The following AP1B1 variants were observed in gnomAD, a reference collection of about 807,000 sequenced individuals.
The protein encoded by AP1B1 is AP-1 complex subunit beta-1.
In AP1B1, 36 loss-of-function variants were observed where a neutral mutation model predicts 104.3. The observed-to-expected ratio is 0.35, with a 90% confidence interval of 0.26 to 0.46. The LOEUF is 0.46. AP1B1 is among the 20% of genes least tolerant of loss of function. The pLI is 1.00. For synonymous variants in AP1B1, 504 were observed against 517.5 expected (o/e 0.97, Z 0.35); for missense variants, 901 against 1,247.9 (o/e 0.72, Z 4.19).
Position 29,328,675 on chromosome 22 carries a change from G to T in AP1B1, c.*146C>A. ...GGGGTGGTGCCCTACCCCAGGGATC[G>T]GGTGGGTTCTGCCATCAGGACCAGG... is the stretch of plus-strand genomic sequence containing the variant. On this transcript the variant is annotated 3_prime_UTR_variant, in exon 23 of 23. Coordinates refer to ENST00000357586, the MANE Select transcript of AP1B1 (RefSeq NM_001127.4). The surrounding 1 kb of genome is among the most constrained non-coding windows in gnomAD (Gnocchi z 4.1). 1.0e-6 allele frequency: 1 copy of T among 994,978 alleles called. No individual in the cohort carries two copies. Among genetic ancestry groups the T allele is most frequent in the Non-Finnish European group, 1.5e-6 (1 of 688,538 alleles). The allele number at this position is 994,978 out of a possible 1,614,324, so 61.6% of individuals were successfully genotyped here.
At position 29,331,897 on chromosome 22, in the gene AP1B1, C is replaced by T. The variant is rs2857465; in HGVS notation, c.2329G>A (p.Ala777Thr). 46 of 1,609,074 alleles carry T rather than the reference C, an allele frequency of 2.9e-5. No homozygotes were observed. Among genetic ancestry groups the T allele is most frequent in the South Asian group, 1.2e-4 (11 of 90,976 alleles). Residue 777 changes from alanine (A) to threonine (T), a missense_variant, in exon 18 of 23, where the codon GCC becomes ACC. Ala to Thr is a moderately conservative substitution (Grantham distance 58, BLOSUM62 0). Transcript: ENST00000357586. ...AGTGGCGCGTGGACCTGGAGGGGGG[C>T]GGCGGGGGCCAGGCCAAAGCTGGGG... Reference protein sequence around the residue: ...NRNSFGLAPAAPLQVHAPLSP... With the variant: ...NRNSFGLAPATPLQVHAPLSP...
Position 29,358,795 on chromosome 22 carries a change from G to A in AP1B1, c.456C>T (p.Asn152=), listed in dbSNP as rs775895391. The change falls in exon 5 of 23, where the codon AAC becomes AAT. Residue 152 remains asparagine (N), a synonymous_variant. Transcript: ENST00000357586. ...AGCCCTGGTCCTCCACCAGCTGGGC[G>A]TTGATGTCGTGGAGCTTGGCCACGC... The part of the protein sequence containing the change: ...AVCVAKLHDI[N]AQLVEDQGFL... 4.3e-6 allele frequency: 7 copies of A among 1,614,114 alleles called. No individual in the cohort carries two copies. The highest frequency in any genetic ancestry group is 3.3e-5 in the Admixed American group (2 of 60,000).
chr22:29,336,285 T>A (rs1281672434), intron 16 of AP1B1, among the ~76,000 whole-genome samples: 4 of 152,168 alleles, frequency 2.6e-5, no homozygotes, highest in African/African-American at 9.7e-5. Flanking sequence ...AAGATGTGGA[T>A]ACCTACTGAG....
At chr22:29,380,448 T>G (rs2062419100) in intron 1 of AP1B1, among the ~76,000 whole-genome samples, 1 of 152,004 alleles carries the variant, frequency 6.6e-6, no homozygotes, top group African/African-American at 2.4e-5. Flanking sequence ...AACTGACATC[T>G]CCACATTACT....
intron 1 of AP1B1, among the ~76,000 whole-genome samples, chr22:29,381,990 G>A: frequency 1.3e-5 from 2 of 151,134 alleles, no homozygotes; most frequent in East Asian, 1.9e-4. Flanking sequence ...CTTCCCTTCA[G>A]CGTGATACCT....
At chr22:29,350,639 G>A (rs924951495) in intron 9 of AP1B1, among the ~76,000 whole-genome samples, 7 of 152,118 alleles carry the variant, frequency 4.6e-5, no homozygotes, top group South Asian at 4.1e-4. Context: ...ATAGGTCGGG[G>A]GCGACCACCT....
At chr22:29,364,630 G>A (rs746915888) in intron 2 of AP1B1, among the ~76,000 whole-genome samples, 5 of 151,964 alleles carry the variant, frequency 3.3e-5, no homozygotes, top group Non-Finnish European at 5.9e-5. Context: ...TGTTGGTCAG[G>A]CTGGTCTTGA....
At chr22:29,373,548 A>G (rs2062277794) in intron 1 of AP1B1, among the ~76,000 whole-genome samples, 1 of 152,176 alleles carries the variant, frequency 6.6e-6, no homozygotes, top group African/African-American at 2.4e-5. Flanking sequence ...CTGCATCCTG[A>G]TGCAGATACT....
intron 6 of AP1B1, 104 bp downstream of exon 6, chr22:29,356,322 C>T: frequency 8.2e-7 from 1 of 1,224,922 alleles, no homozygotes; most frequent in Non-Finnish European, 1.1e-6. Context: ...TGGGGCAAAG[C>T]ACTAGAAAGG....
intron 14 of AP1B1, 143 bp from the exon 15 acceptor site, chr22:29,339,917 G>T: frequency 1.1e-6 from 1 of 904,452 alleles, no homozygotes; most frequent in Non-Finnish European, 1.7e-6. Flanking sequence ...AGTGTGGTGT[G>T]AGGTCTGGCG....
At chr22:29,346,819 G>T (rs1326959053) in intron 11 of AP1B1, among the ~76,000 whole-genome samples, 2 of 152,050 alleles carry the variant, frequency 1.3e-5, no homozygotes, top group Non-Finnish European at 2.9e-5. Context: ...GTGGGAATTA[G>T]TACTGTGATT....
intron 14 of AP1B1, 146 bp from the exon 15 acceptor site, chr22:29,339,920 G>A (rs1450835372): frequency 2.2e-6 from 2 of 910,538 alleles, no homozygotes; most frequent in Non-Finnish European, 3.4e-6. Context: ...GTGGTGTGAG[G>A]TCTGGCGAGA....
chr22:29,344,502 AC>A (rs1202103384), intron 11 of AP1B1, among the ~76,000 whole-genome samples: 1 of 111,004 alleles, frequency 9.0e-6, no homozygotes, highest in Non-Finnish European at 1.9e-5. Flanking sequence ...CTGATATACC[AC>A]CCTGGCCAAG....
intron 21 of AP1B1, 21 bp downstream of exon 21, chr22:29,330,357 G>A (rs781651764): frequency 3.9e-5 from 63 of 1,612,094 alleles, no homozygotes; most frequent in Non-Finnish European, 5.3e-5. Context: ...AAGGCTGCAG[G>A]GCGGGTGCCG....
intron 4 of AP1B1, 119 bp from the exon 5 acceptor site, chr22:29,359,090 G>A: frequency 3.8e-6 from 4 of 1,040,290 alleles, no homozygotes; most frequent in Non-Finnish European, 5.5e-6. Flanking sequence ...TGGCTGCTGT[G>A]GATCTTCACC....
chr22:29,337,002 T>G (rs140198265), intron 16 of AP1B1, among the ~76,000 whole-genome samples: 1,634 of 152,248 alleles, frequency 0.011, 14 homozygotes, highest in Admixed American at 0.018. Flanking sequence ...TGAGTACGAG[T>G]TGGCCTCATG....
intron 7 of AP1B1, among the ~76,000 whole-genome samples, chr22:29,354,415 CT>C (rs1435305051): frequency 6.6e-6 from 1 of 152,182 alleles, no homozygotes; most frequent in Non-Finnish European, 1.5e-5. Context: ...CTCCTAGCCT[CT>C]GCCCACTAGA....
At chr22:29,346,157 G>A (rs910449922) in intron 11 of AP1B1, among the ~76,000 whole-genome samples, 2 of 152,200 alleles carry the variant, frequency 1.3e-5, no homozygotes, top group Admixed American at 6.5e-5. Context: ...CTGTGCTCCA[G>A]GCCACACAAC....
intron 21 of AP1B1, 172 bp from the exon 22 acceptor site, chr22:29,329,892 G>A (rs1390925584): frequency 2.1e-6 from 3 of 1,457,308 alleles, no homozygotes; most frequent in Non-Finnish European, 2.7e-6. Context: ...GGGGTGTGGG[G>A]GAGAAGCAGA....
Sources: allele counts gnomAD v4.1 joint callset (sites outside exome capture counted in the v4.1 genomes callset), GRCh38; gene constraint gnomAD v4.1.1; non-coding constraint Gnocchi (gnomAD v3.1); transcripts MANE v1.5; gene names NCBI Gene and HGNC (gene_info 2026-07-23, HGNC 2026-07-21).